CYFIP2: variants seen among roughly 807,000 people sequenced by gnomAD.
CYFIP2 encodes cytoplasmic FMR1 interacting protein 2.
A neutral mutation model predicts 158.7 loss-of-function variants in CYFIP2; 29 were observed. The observed-to-expected ratio is 0.18, with a 90% CI of 0.14 to 0.25. The LOEUF (loss-of-function observed/expected upper bound fraction) is 0.25. CYFIP2 is among the 10% of genes least tolerant of loss of function. The pLI, the probability that CYFIP2 is intolerant of heterozygous loss-of-function variation, is 1.00. For missense variants in CYFIP2, 852 were observed against 1,639.5 expected (o/e 0.52, Z 8.29); for synonymous variants, 585 against 617.6 (o/e 0.95, Z 0.78).
intron 23 of CYFIP2, among the ~76,000 whole-genome samples, chr5:157,346,091 G>C (rs1489583018): frequency 1.3e-5 from 2 of 148,930 alleles, no homozygotes; most frequent in Non-Finnish European, 3.0e-5. Flanking sequence ...CTTGACTCAT[G>C]TGCCATTACA....
At chr5:157,286,660 G>T (rs1757419180) in intron 2 of CYFIP2, among the ~76,000 whole-genome samples, 1 of 151,574 alleles carries the variant, frequency 6.6e-6, no homozygotes, top group Admixed American at 6.6e-5. Context: ...AATTATTCTT[G>T]TACCTATATA....
At chr5:157,317,783 A>G (rs1213441412) in intron 13 of CYFIP2, among the ~76,000 whole-genome samples, 1 of 152,204 alleles carries the variant, frequency 6.6e-6, no homozygotes, top group African/African-American at 2.4e-5. Flanking sequence ...AGGCAACCCC[A>G]AACCTACCAA....
intron 23 of CYFIP2, chr5:157,343,561 G>A: frequency 6.6e-7 from 1 of 1,520,564 alleles, no homozygotes; most frequent in East Asian, 2.3e-5. Flanking sequence ...CAGAATCAAA[G>A]TGAAGAGTGA....
intron 26 of CYFIP2, among the ~76,000 whole-genome samples, chr5:157,368,819 A>AC (rs1764685990): frequency 6.6e-6 from 1 of 151,292 alleles, no homozygotes; most frequent in Admixed American, 6.6e-5. Flanking sequence ...TTCACCACCC[A>AC]CCTGCCGGTT....
intron 22 of CYFIP2, among the ~76,000 whole-genome samples, 179 bp downstream of exon 22, chr5:157,339,435 G>C (rs1387072878): frequency 1.4e-5 from 2 of 144,746 alleles, no homozygotes; most frequent in East Asian, 3.9e-4. Context: ...CTGGTTGACA[G>C]TTGAATGTGG....
Position 157,320,736 on chromosome 5 carries a change from G to A in CYFIP2, c.1605G>A (p.Glu535=), listed in dbSNP as rs1400520164. 2 of 1,613,254 alleles carry A rather than the reference G, an allele frequency of 1.2e-6. No individual in the cohort carries two copies. The highest frequency in any genetic ancestry group is 1.7e-6 in the Non-Finnish European group (2 of 1,179,528). The change falls in exon 15 of 31, where the codon GAG becomes GAA. Residue 535 remains glutamate (E), a synonymous_variant. Transcript: ENST00000620254. ...CTAATGACCCATGCTTGAGAGGGGAGAAGGACCCCAAAGGTGGATTTGATA... is the reference window on the plus strand; with the variant it reads ...CTAATGACCCATGCTTGAGAGGGGAAAAGGACCCCAAAGGTGGATTTGATA... ...EPPNDPCLRG[E]KDPKGGFDIK... is the part of the protein sequence containing the mutation.
At chr5:157,331,666 C>T (rs1409481931) in intron 20 of CYFIP2, among the ~76,000 whole-genome samples, 3 of 152,044 alleles carry the variant, frequency 2.0e-5, no homozygotes, top group Admixed American at 2.0e-4. Flanking sequence ...ACAACAGGGG[C>T]TCAATGAGAG....
intron 30 of CYFIP2, among the ~76,000 whole-genome samples, chr5:157,392,525 A>T (rs768995588): frequency 6.6e-6 from 1 of 152,156 alleles, no homozygotes; most frequent in Non-Finnish European, 1.5e-5. Flanking sequence ...AAATCATTTG[A>T]TCATATGTGT....
chr5:157,351,759 T>G (rs1179303933), intron 23 of CYFIP2, among the ~76,000 whole-genome samples: 1 of 152,208 alleles, frequency 6.6e-6, no homozygotes, highest in Non-Finnish European at 1.5e-5. Flanking sequence ...AGCCCTTTGC[T>G]TTGTGATTAG....
chr5:157,355,312 A>G (rs145374582), intron 23 of CYFIP2, among the ~76,000 whole-genome samples: 8 of 152,098 alleles, frequency 5.3e-5, no homozygotes, highest in African/African-American at 1.9e-4. Flanking sequence ...CTGCTGGGGG[A>G]AATTCGACCA....
chr5:157,391,016 C>CG (rs1767227974), intron 30 of CYFIP2, among the ~76,000 whole-genome samples: 1 of 151,988 alleles, frequency 6.6e-6, no homozygotes, highest in Non-Finnish European at 1.5e-5. Context: ...TAGGTACTGG[C>CG]GTGGGGTGAG....
chr5:157,295,393 A>G lies in CYFIP2; in HGVS notation c.285+533A>G, dbSNP rs139528638. ...CACACATACAGATATTTTTATTACC[A>G]TCAGTGCCATCATCATGTAATTAAC... On this transcript the variant is annotated intron_variant, in intron 4 of 30. Transcript: ENST00000620254. 2.0e-4 allele frequency among the ~76,000 whole-genome samples: 30 copies of G among 152,354 alleles called. No individual in the cohort carries two copies. The East Asian group carries it at 5.6e-3, about 28-fold the overall frequency.
At chr5:157,333,911 A>G (rs1334302172) in intron 21 of CYFIP2, among the ~76,000 whole-genome samples, 2 of 152,226 alleles carry the variant, frequency 1.3e-5, no homozygotes, top group African/African-American at 4.8e-5. Context: ...CAGATTATGT[A>G]ACTGGTTCTG....
intron 26 of CYFIP2, chr5:157,363,304 T>C (rs79059656): frequency 1.5e-3 from 224 of 152,370 alleles, no homozygotes; most frequent in Non-Finnish European, 2.8e-3. Context: ...CAGCCATCCA[T>C]CCACTCATTC....
rs748543983 is a variant in CYFIP2 at position 157,304,356 on chromosome 5, T to C, written c.785T>C (p.Met262Thr). 13 of 1,613,586 alleles carry C rather than the reference T, an allele frequency of 8.1e-6. No individual in the cohort carries two copies. The highest frequency in any genetic ancestry group is 2.2e-5 in the East Asian group (1 of 44,876). Residue 262 changes from methionine (M) to threonine (T), a missense_variant, in exon 8 of 31, where the codon ATG becomes ACG. Around this residue, in one of 8 missense-constraint regions of CYFIP2, gnomAD observed 133 missense variants for 197.1 expected, o/e 0.67. Coordinates refer to ENST00000620254, the MANE Select transcript of CYFIP2 (RefSeq NM_001037333.3). ...TACCTGACTCCCAGTGAGAAACATATGCTCCTCAAGGTAAAACTCCCCTGA... is the reference window on the plus strand; with the variant it reads ...TACCTGACTCCCAGTGAGAAACATACGCTCCTCAAGGTAAAACTCCCCTGA... ...KMYLTPSEKHMLLKVMGFGLY... is the reference protein window; with the variant it reads ...KMYLTPSEKHTLLKVMGFGLY...
At chr5:157,288,195 CATGG>C (rs1205801133) in intron 3 of CYFIP2, among the ~76,000 whole-genome samples, 1 of 152,158 alleles carries the variant, frequency 6.6e-6, no homozygotes, top group Non-Finnish European at 1.5e-5. Flanking sequence ...TGTATCATAT[CATGG>C]CAGAAGCCAT....
Position 157,291,907 on chromosome 5 carries a change from G to A in CYFIP2, c.208-2876G>A, listed in dbSNP as rs953071537. On this transcript the variant is annotated intron_variant, in intron 3 of 30. Transcript: ENST00000620254. ...ATGGCCTAGTAAAATTCTTTCTTTG[G>A]TGATTTTTTTTTCAAAGTGTATTTC... 5.3e-5 allele frequency among the ~76,000 whole-genome samples: 8 copies of A among 152,048 alleles called. No individual in the cohort carries two copies. The South Asian group carries it at 1.7e-3, about 32-fold the overall frequency.
Position 157,361,593 on chromosome 5 carries a change from G to A in CYFIP2, c.3034G>A (p.Ala1012Thr). Residue 1012 changes from alanine to threonine, a missense_variant, in exon 26 of 31, where the codon GCT (alanine) becomes ACT (threonine). Coordinates refer to ENST00000620254, the MANE Select transcript of CYFIP2 (RefSeq NM_001037333.3). This position sits in a 1 kb window ranked among gnomAD's most constrained non-coding sequence, Gnocchi z 4.4. ...CCTCTTCTGCCTCCTCATAGAGCAA[G>A]CTCTGGTAAGTCCAGAGCCCAAAGG... ...AILFCLLIEQALSQEEVCDLL... is the reference protein window; with the variant it reads ...AILFCLLIEQTLSQEEVCDLL... The A allele has an allele frequency of 6.2e-7, 1 of 1,613,856 alleles. No homozygotes were observed. The highest frequency in any genetic ancestry group is 1.1e-5 in the South Asian group (1 of 91,074).
At chr5:157,273,371 C>A (rs1756265433) in intron 1 of CYFIP2, among the ~76,000 whole-genome samples, 1 of 152,180 alleles carries the variant, frequency 6.6e-6, no homozygotes, top group Non-Finnish European at 1.5e-5. Flanking sequence ...AACCTCAGAA[C>A]CTATCACCCC....
Sources: gnomAD v4.1 joint callset for allele counts (sites outside exome capture counted in the v4.1 genomes callset) on GRCh38, gnomAD v4.1.1 for gene constraint, gnomAD v4.1.1 regional missense constraint, Gnocchi (gnomAD v3.1) non-coding constraint, MANE v1.5 for transcripts, NCBI Gene and HGNC (gene_info 2026-07-23, HGNC 2026-07-21) for gene names.